Variants in ASIC2 observed in about 807,000 individuals in gnomAD.
ASIC2 encodes the protein acid-sensing ion channel 2.
ASIC2 carries 25 observed loss-of-function variants against 57.3 expected under a neutral mutation model. That is an observed-to-expected ratio of 0.44 (90% CI 0.32 to 0.61). ASIC2 has a LOEUF of 0.61. ASIC2 is among the 20% of genes least tolerant of loss of function. The pLI is 0.06. For missense variants in ASIC2, 641 were observed against 738.1 expected, an observed-to-expected ratio of 0.87 and a Z score of 1.52; for synonymous variants, 319 against 307.5, an observed-to-expected ratio of 1.04 and a Z score of -0.39.
At chr17:33,613,577 C>T (rs1905491639) in intron 1 of ASIC2, among the ~76,000 whole-genome samples, 1 of 152,030 alleles carries the variant, frequency 6.6e-6, no homozygotes, top group Non-Finnish European at 1.5e-5. Flanking sequence ...CCGTGTTAGC[C>T]AGGATGATCT....
chr17:33,764,242 A>G (rs914824342), intron 1 of ASIC2, among the ~76,000 whole-genome samples: 2 of 151,526 alleles, frequency 1.3e-5, no homozygotes, highest in African/African-American at 4.9e-5. Context: ...GTGTGAACTC[A>G]GGAGGCGGAG....
intron 1 of ASIC2, among the ~76,000 whole-genome samples, chr17:33,230,600 G>A (rs1237605531): frequency 6.6e-6 from 1 of 152,198 alleles, no homozygotes; most frequent in Non-Finnish European, 1.5e-5. Context: ...TTCTCCATAA[G>A]CCTCTGTTTT....
chr17:33,264,047 G>A (rs926403461), intron 1 of ASIC2, among the ~76,000 whole-genome samples: 3 of 152,204 alleles, frequency 2.0e-5, no homozygotes, highest in East Asian at 1.9e-4. Flanking sequence ...AACCTGGGCC[G>A]GCCTTTCTGC....
chr17:33,396,523 G>A (rs1910084052), intron 1 of ASIC2, among the ~76,000 whole-genome samples: 1 of 152,176 alleles, frequency 6.6e-6, no homozygotes, highest in Admixed American at 6.5e-5. Context: ...GGAACTTATT[G>A]CAGGGAAGTG....
At chr17:34,049,557 C>T (rs1235005254) in intron 1 of ASIC2, among the ~76,000 whole-genome samples, 1 of 152,150 alleles carries the variant, frequency 6.6e-6, no homozygotes, top group Non-Finnish European at 1.5e-5. Context: ...AGCCCATCCT[C>T]CCCAGTGGGG....
chr17:33,907,652 G>A (rs1915377315), intron 1 of ASIC2, among the ~76,000 whole-genome samples: 5 of 151,816 alleles, frequency 3.3e-5, no homozygotes, highest in Admixed American at 2.6e-4. Context: ...TCTTTCTTCC[G>A]GATGCCTCCC....
At chr17:33,972,379 A>G (rs970665891) in intron 1 of ASIC2, among the ~76,000 whole-genome samples, 3 of 152,168 alleles carry the variant, frequency 2.0e-5, no homozygotes, top group Non-Finnish European at 4.4e-5. Flanking sequence ...TCTAAACTCT[A>G]AAAGAGTAGT....
intron 1 of ASIC2, among the ~76,000 whole-genome samples, chr17:33,610,474 A>AT (rs1336282399): frequency 1.3e-5 from 2 of 152,134 alleles, no homozygotes; most frequent in African/African-American, 4.8e-5. Context: ...TTGCCCCGCA[A>AT]TTTTGCCTCT....
intron 1 of ASIC2, among the ~76,000 whole-genome samples, chr17:33,203,782 G>A (rs1227109122): frequency 1.3e-5 from 2 of 152,192 alleles, no homozygotes; most frequent in African/African-American, 2.4e-5. Context: ...TCCTGGCTGC[G>A]GGTGGCTTGC....
chr17:34,040,611 TGA>T (rs1018582734), intron 1 of ASIC2, among the ~76,000 whole-genome samples: 4 of 152,140 alleles, frequency 2.6e-5, no homozygotes, highest in African/African-American at 7.2e-5. Flanking sequence ...TGCTGCCAGG[TGA>T]GAGAGTCATC....
chr17:33,460,482 A>T (rs1567619628), intron 1 of ASIC2, among the ~76,000 whole-genome samples: 6 of 152,356 alleles, frequency 3.9e-5, no homozygotes, highest in Non-Finnish European at 8.8e-5. Context: ...TGGCTCTGCC[A>T]TGACAAAGTG....
intron 1 of ASIC2, among the ~76,000 whole-genome samples, chr17:33,923,010 C>T (rs1285146785): frequency 6.6e-6 from 1 of 152,190 alleles, no homozygotes; most frequent in Non-Finnish European, 1.5e-5. Context: ...TTTGCAATGT[C>T]ACTTCTATCC....
intron 1 of ASIC2, among the ~76,000 whole-genome samples, chr17:33,272,478 C>T (rs1402598834): frequency 2.6e-5 from 4 of 152,190 alleles, no homozygotes; most frequent in Non-Finnish European, 1.5e-5. Flanking sequence ...TTTAGGTGAA[C>T]AGTTCTTTAC....
intron 1 of ASIC2, among the ~76,000 whole-genome samples, chr17:33,309,069 T>A (rs546379230): frequency 6.6e-6 from 1 of 152,338 alleles, no homozygotes; most frequent in East Asian, 1.9e-4. Context: ...TTAAAAAGCT[T>A]TCTTCCATTC....
chr17:34,066,668 CAT>C (rs1391028181), intron 1 of ASIC2, among the ~76,000 whole-genome samples: 1 of 152,204 alleles, frequency 6.6e-6, no homozygotes, highest in African/African-American at 2.4e-5. Flanking sequence ...TGACATCTAT[CAT>C]GATGACAGCT....
chr17:33,415,769 A>G (rs1482933164), intron 1 of ASIC2, among the ~76,000 whole-genome samples: 3 of 152,210 alleles, frequency 2.0e-5, no homozygotes, highest in Non-Finnish European at 4.4e-5. Flanking sequence ...TGGATGAAAG[A>G]GAAAGGATTC....
At chr17:33,638,957 G>T (rs1597817063) in intron 1 of ASIC2, among the ~76,000 whole-genome samples, 2 of 152,106 alleles carry the variant, frequency 1.3e-5, no homozygotes, top group East Asian at 3.9e-4. Context: ...CAGTTGTCCT[G>T]GGTGGTCATG....
chr17:33,366,919 T>C (rs951255561), intron 1 of ASIC2, among the ~76,000 whole-genome samples: 1 of 152,220 alleles, frequency 6.6e-6, no homozygotes, highest in African/African-American at 2.4e-5. Flanking sequence ...GCAATGAGCA[T>C]ACACTTTGTT....
At chr17:34,140,069 A>T (rs10468595) in intron 1 of ASIC2, among the ~76,000 whole-genome samples, 115,230 of 152,042 alleles carry the variant, frequency 0.76, 43,772 homozygotes, top group South Asian at 0.85. Context: ...ACTGTAAACA[A>T]GTTTTGGGGA....
Sources: gnomAD v4.1 joint callset for allele counts (sites outside exome capture counted in the v4.1 genomes callset) on GRCh38, gnomAD v4.1.1 for gene constraint, MANE v1.5 for transcripts, NCBI Gene and HGNC (gene_info 2026-07-23, HGNC 2026-07-21) for gene names.